Variants in FRMPD3 observed in about 807,000 individuals in gnomAD.
The protein encoded by FRMPD3 is FERM and PDZ domain-containing protein 3.
FRMPD3 carries 42 observed loss-of-function variants against 97.9 expected under a neutral mutation model. That is an observed-to-expected ratio of 0.43 (90% CI 0.34 to 0.55). FRMPD3 has a LOEUF of 0.55. Among genes scored for constraint, FRMPD3 ranks in the 20% least tolerant of loss-of-function variants. The pLI is 0.03. For synonymous variants in FRMPD3, 577 were observed against 581.1 expected (o/e 0.99, Z 0.10); for missense variants, 1,303 against 1,457.7 (o/e 0.89, Z 1.73).
intron 1 of FRMPD3, among the ~76,000 whole-genome samples, chrX:107,525,418 GA>G (rs1922658959): frequency 8.9e-6 from 1 of 112,412 alleles, no homozygotes; most frequent in Admixed American, 9.4e-5. Flanking sequence ...ACTACACTCA[GA>G]CCCCTTCTTG....
chrX:107,532,845 T>A (rs1263393908), intron 3 of FRMPD3, among the ~76,000 whole-genome samples: 3 of 112,870 alleles, frequency 2.7e-5, no homozygotes, highest in African/African-American at 9.6e-5. Context: ...AAAGATTATG[T>A]ATTCCTGGGA....
At chrX:107,453,409 C>T (rs1931324219) in intron 1 of FRMPD3, among the ~76,000 whole-genome samples, 1 of 109,528 alleles carries the variant, frequency 9.1e-6, no homozygotes. Context: ...GATGAAGACC[C>T]TTAGCTTTGA....
At chrX:107,553,040 A>G in intron 7 of FRMPD3, 114 bp downstream of exon 7, 1 of 820,617 alleles carries the variant, frequency 1.2e-6, no homozygotes, top group Non-Finnish European at 1.7e-6. Flanking sequence ...CCCAGAAGTC[A>G]CAGTTCTCAC....
intron 1 of FRMPD3, among the ~76,000 whole-genome samples, chrX:107,507,508 G>A (rs1285372630): frequency 3.6e-5 from 4 of 111,209 alleles, no homozygotes; most frequent in African/African-American, 6.6e-5. Context: ...GGAAGTGTCC[G>A]GGACTTCTAG....
chrX:107,532,838 G>C (rs953814225), intron 3 of FRMPD3, among the ~76,000 whole-genome samples: 4 of 112,764 alleles, frequency 3.5e-5, no homozygotes, highest in African/African-American at 1.3e-4. Flanking sequence ...TCTTTTAAAA[G>C]ATTATGTATT....
At chrX:107,472,109 G>C (rs1212525806) in intron 1 of FRMPD3, among the ~76,000 whole-genome samples, 1 of 112,210 alleles carries the variant, frequency 8.9e-6, no homozygotes, top group Non-Finnish European at 1.9e-5. Context: ...TTTGAAAAGT[G>C]TCTGTTCATA....
chrX:107,566,716 G>A (rs951171921), intron 12 of FRMPD3, among the ~76,000 whole-genome samples: 1 of 113,258 alleles, frequency 8.8e-6, no homozygotes, highest in African/African-American at 3.2e-5. Context: ...GGTCATGGGT[G>A]AAACCCAGGC....
chrX:107,585,845 A>G (rs893477768), intron 13 of FRMPD3, among the ~76,000 whole-genome samples: 1 of 112,270 alleles, frequency 8.9e-6, no homozygotes, highest in South Asian at 3.7e-4. Flanking sequence ...TCGGTTTGCC[A>G]GTATTTTATT....
At position 107,603,229 on chromosome X, in the gene FRMPD3, A is replaced by ACAGCAGCAGCAACAACAACAG. The variant is rs1569432833; in HGVS notation, c.5202_5222dup (p.Gln1737_Gln1743dup). ...AACAACAGCAGCAGCAGCAACAACAACAGCAGCAGCAACAACAACAGCAGC... is the reference window on the plus strand; with the variant it reads ...AACAACAGCAGCAGCAGCAACAACAACAGCAGCAGCAACAACAACAGCAGCAGCAGCAACAACAACAGCAGC... On this transcript the variant is annotated inframe_insertion, in exon 15 of 15. Coordinates refer to ENST00000683843, the MANE Select transcript of FRMPD3 (RefSeq NM_001388459.1). 1 of 1,167,719 alleles carries ACAGCAGCAGCAACAACAACAG rather than the reference A, an allele frequency of 8.6e-7. No homozygotes were observed. The highest frequency in any genetic ancestry group is 3.3e-5 in the East Asian group (1 of 30,705).
chrX:107,551,820 G>A (rs1451366484), intron 6 of FRMPD3, among the ~76,000 whole-genome samples: 2 of 112,570 alleles, frequency 1.8e-5, no homozygotes, highest in African/African-American at 3.2e-5. Context: ...CAACACTGGC[G>A]CCTCTGTGAC....
chrX:107,491,498 C>A (rs896592575), intron 1 of FRMPD3, among the ~76,000 whole-genome samples: 3 of 112,404 alleles, frequency 2.7e-5, no homozygotes, highest in Non-Finnish European at 5.6e-5. Flanking sequence ...TAGTGAGTAG[C>A]AGAGCTGGGA....
chrX:107,558,760 T>G (rs1922216477), intron 8 of FRMPD3, among the ~76,000 whole-genome samples: 1 of 111,717 alleles, frequency 9.0e-6, no homozygotes, highest in Non-Finnish European at 1.9e-5. Flanking sequence ...CTCGGCTCAC[T>G]GCAACCTCCA....
chrX:107,491,663 T>C (rs969775409), intron 1 of FRMPD3, among the ~76,000 whole-genome samples: 1 of 112,156 alleles, frequency 8.9e-6, no homozygotes, highest in African/African-American at 3.2e-5. Context: ...CTCGGACCCA[T>C]CTGCTAACTG....
chrX:107,563,096 T>C lies in FRMPD3; in HGVS notation c.1027-15T>C. 2 of 1,190,183 alleles carry C rather than the reference T, an allele frequency of 1.7e-6. No homozygotes were observed. The highest frequency in any genetic ancestry group is 2.3e-6 in the Non-Finnish European group (2 of 877,957). On this transcript the variant is annotated splice_polypyrimidine_tract_variant and intron_variant, in intron 10 of 14. Coordinates refer to ENST00000683843, the MANE Select transcript of FRMPD3 (RefSeq NM_001388459.1). ...CCCTCAGGCTTCTCATATTTCTGGA[T>C]GGGTTTTTCCACAGGGCTCTGCAAT...
rs1219120102 is a variant in FRMPD3 at position 107,554,650 on chromosome X, G to T, written c.762+146G>T. Reference sequence around the variant, plus strand: ...CTTTCCTTCCTTTTCTGCTACCATCGTAGGCCATGGCCAAGTTGGCTGGCC... The same window carrying T: ...CTTTCCTTCCTTTTCTGCTACCATCTTAGGCCATGGCCAAGTTGGCTGGCC... On this transcript the variant is annotated intron_variant, in intron 8 of 14. Transcript: ENST00000683843. 10 of 770,735 alleles carry T rather than the reference G, an allele frequency of 1.3e-5. No individual in the cohort carries two copies. The Admixed American group carries it at 1.7e-4, about 13-fold the overall frequency. 63.5% of individuals were successfully genotyped at this position (770,735 alleles called of 1,213,427 possible).
At chrX:107,533,742 T>C (rs1023446725) in intron 4 of FRMPD3, among the ~76,000 whole-genome samples, 192 bp downstream of exon 4, 1 of 112,187 alleles carries the variant, frequency 8.9e-6, no homozygotes, top group Non-Finnish European at 1.9e-5. Context: ...CTGAGGACTT[T>C]GAAGGGCTGT....
At chrX:107,587,374 G>A (rs756918233) in intron 13 of FRMPD3, among the ~76,000 whole-genome samples, 10 of 110,863 alleles carry the variant, frequency 9.0e-5, no homozygotes, top group Admixed American at 8.7e-4. Context: ...ACTGAATACA[G>A]CACACCCATG....
intron 1 of FRMPD3, among the ~76,000 whole-genome samples, chrX:107,453,467 G>A (rs1931325176): frequency 9.1e-6 from 1 of 110,496 alleles, no homozygotes; most frequent in Non-Finnish European, 1.9e-5. Context: ...TGTTTGTGGG[G>A]CAGCCTTAAG....
intron 10 of FRMPD3, 103 bp downstream of exon 10, chrX:107,560,956 C>T: frequency 1.1e-6 from 1 of 911,596 alleles, no homozygotes; most frequent in Non-Finnish European, 1.5e-6. Flanking sequence ...GGATCCTCAC[C>T]ACTGCTTTTG....
Sources: allele counts gnomAD v4.1 joint callset (sites outside exome capture counted in the v4.1 genomes callset), GRCh38; gene constraint gnomAD v4.1.1; transcripts MANE v1.5; gene names NCBI Gene and HGNC (gene_info 2026-07-23, HGNC 2026-07-21).